Variants in ADD2 observed in about 807,000 individuals in gnomAD.
ADD2 encodes the protein adducin 2.
In ADD2, 23 loss-of-function variants were observed where a neutral mutation model predicts 83.0. That is an observed-to-expected ratio of 0.28 (90% CI 0.20 to 0.39). ADD2 has a LOEUF of 0.39. Among genes scored for constraint, ADD2 ranks in the 10% least tolerant of loss-of-function variants. The probability of loss-of-function intolerance (pLI) is 1.00; values close to 1 mark genes in which losing one functional copy is unlikely to be tolerated. For missense variants in ADD2, 758 were observed against 944.9 expected (o/e 0.80, Z 2.59); for synonymous variants, 375 against 375.4 (o/e 1.00, Z 0.01).
chr2:70,699,243 T>TAA (rs1400636099), intron 4 of ADD2, among the ~76,000 whole-genome samples: 1 of 150,562 alleles, frequency 6.6e-6, no homozygotes, highest in Non-Finnish European at 1.5e-5. Context: ...TTCTGAACTG[T>TAA]AAAAAAAAAG....
At chr2:70,712,460 T>TAAAA (rs782194928) in intron 2 of ADD2, among the ~76,000 whole-genome samples, 2 of 81,816 alleles carry the variant, frequency 2.4e-5, no homozygotes, top group Non-Finnish European at 3.0e-5. Flanking sequence ...AATAAATAAA[T>TAAAA]AAAAAAAAAA....
At chr2:70,711,431 C>A (rs1229365383) in intron 2 of ADD2, among the ~76,000 whole-genome samples, 2 of 152,192 alleles carry the variant, frequency 1.3e-5, no homozygotes, top group East Asian at 1.9e-4. Context: ...CTCCACCCCC[C>A]ACCAATCCCG....
chr2:70,748,953 C>T (rs1678572795), intron 1 of ADD2, among the ~76,000 whole-genome samples: 1 of 152,180 alleles, frequency 6.6e-6, no homozygotes, highest in South Asian at 2.1e-4. Context: ...ACTGAACTAA[C>T]TCAGTACAGA....
At chr2:70,673,315 C>T (rs1423540061) in intron 14 of ADD2, 3 of 1,614,116 alleles carry the variant, frequency 1.9e-6, no homozygotes, top group Non-Finnish European at 2.5e-6. Context: ...GGCTCTCGTT[C>T]CTGTCCTGTC....
chr2:70,767,848 C>G (rs1574342790), intron 1 of ADD2, 38 bp downstream of exon 1: 1 of 1,534,532 alleles, frequency 6.5e-7, no homozygotes, highest in East Asian at 2.5e-5. Flanking sequence ...GACCAGCGAC[C>G]CCAGGCAGCC....
chr2:70,706,088 A>G lies in ADD2; in HGVS notation c.183+138T>C. 1 of 857,774 alleles carries G rather than the reference A, an allele frequency of 1.2e-6. No individual in the cohort carries two copies. Among genetic ancestry groups the G allele is most frequent in the Non-Finnish European group, 1.7e-6 (1 of 572,862 alleles). The allele number at this position is 857,774 out of a possible 1,614,324, so 53.1% of individuals were successfully genotyped here. On this transcript the variant is annotated intron_variant, in intron 3 of 15. Coordinates refer to ENST00000264436, the MANE Select transcript of ADD2 (RefSeq NM_001617.4). This position sits in a 1 kb window ranked among gnomAD's most constrained non-coding sequence, Gnocchi z 5.0. ...GAGTGTCAAGGCCCCAGGTGACCAGATCCGTCTTGCTCAGTGGGCTTACAT... is the reference window on the plus strand; with the variant it reads ...GAGTGTCAAGGCCCCAGGTGACCAGGTCCGTCTTGCTCAGTGGGCTTACAT...
At chr2:70,715,806 C>T (rs1415387389) in intron 1 of ADD2, among the ~76,000 whole-genome samples, 5 of 151,798 alleles carry the variant, frequency 3.3e-5, no homozygotes, top group African/African-American at 1.2e-4. Context: ...CCATGGGATC[C>T]CACCTTGACT....
intron 1 of ADD2, among the ~76,000 whole-genome samples, chr2:70,740,843 G>T (rs921165280): frequency 6.6e-6 from 1 of 152,182 alleles, no homozygotes; most frequent in African/African-American, 2.4e-5. Flanking sequence ...GAGCGTACAG[G>T]CGTGTGCCAC....
At chr2:70,740,003 TG>T (rs1400116860) in intron 1 of ADD2, among the ~76,000 whole-genome samples, 1 of 152,154 alleles carries the variant, frequency 6.6e-6, no homozygotes, top group Non-Finnish European at 1.5e-5. Flanking sequence ...AACCTGCACA[TG>T]TACCCCTGAA....
chr2:70,716,885 CAG>C (rs761267799), intron 1 of ADD2, among the ~76,000 whole-genome samples: 12 of 152,296 alleles, frequency 7.9e-5, no homozygotes, highest in South Asian at 2.1e-4. Flanking sequence ...TAATTTGAGA[CAG>C]AACCCAGCAA....
At chr2:70,697,187 G>C (rs1237343960) in intron 4 of ADD2, among the ~76,000 whole-genome samples, 1 of 152,238 alleles carries the variant, frequency 6.6e-6, no homozygotes, top group Non-Finnish European at 1.5e-5. Context: ...CAGCCTGAAA[G>C]TAACTTCCTC....
At position 70,768,077 on chromosome 2, in the gene ADD2, C is replaced by G; in HGVS notation, c.-345G>C. 2 of 1,212,898 alleles carry G rather than the reference C, an allele frequency of 1.6e-6. No individual in the cohort carries two copies. The highest frequency in any genetic ancestry group is 3.1e-5 in the South Asian group (2 of 64,434). 75.1% of individuals were successfully genotyped at this position (1,212,898 alleles called of 1,614,324 possible). A position where few individuals can be genotyped will look rare whatever the true frequency, so the allele number is the denominator to read the frequency against. ...CCCCAGCAGTGCAGCGGCTCCGCGG[C>G]GGCGGGGATGACTGGCCACCGACGC... On this transcript the variant is annotated 5_prime_UTR_variant, in exon 1 of 16. Transcript: ENST00000264436.
chr2:70,673,296 C>G, intron 14 of ADD2: 1 of 1,614,160 alleles, frequency 6.2e-7, no homozygotes. Flanking sequence ...CACGGCCGGA[C>G]CAGAGCCTGG....
At chr2:70,712,402 C>A (rs1672228037) in intron 2 of ADD2, among the ~76,000 whole-genome samples, 1 of 149,840 alleles carries the variant, frequency 6.7e-6, no homozygotes, top group Non-Finnish European at 1.5e-5. Context: ...TGAGATCACA[C>A]CACTGCACTC....
chr2:70,691,723 G>C (rs976496986), intron 7 of ADD2: 17 of 152,106 alleles, frequency 1.1e-4, no homozygotes, highest in African/African-American at 3.9e-4. Flanking sequence ...TCACATCTTA[G>C]TCCAAATTCT....
At chr2:70,702,465 C>T (rs1168164701) in intron 4 of ADD2, among the ~76,000 whole-genome samples, 1 of 152,098 alleles carries the variant, frequency 6.6e-6, no homozygotes, top group Non-Finnish European at 1.5e-5. Flanking sequence ...TTGTGCCTGG[C>T]CTAAAGTTAT....
At chr2:70,764,871 A>G (rs1375440464) in intron 1 of ADD2, among the ~76,000 whole-genome samples, 1 of 152,052 alleles carries the variant, frequency 6.6e-6, no homozygotes, top group Non-Finnish European at 1.5e-5. Context: ...CAGATCTTTC[A>G]AAATACGTAT....
intron 1 of ADD2, among the ~76,000 whole-genome samples, chr2:70,736,125 G>A (rs782732095): frequency 6.6e-6 from 1 of 152,094 alleles, no homozygotes; most frequent in Admixed American, 6.6e-5. Flanking sequence ...TAACTGCCGG[G>A]GGTGGGGGGC....
chr2:70,715,197 G>C (rs1356064148), intron 1 of ADD2, among the ~76,000 whole-genome samples: 2 of 152,156 alleles, frequency 1.3e-5, no homozygotes, highest in Non-Finnish European at 1.5e-5. Context: ...GTTTTAATGA[G>C]AGAAGGGAAG....
Sources: allele counts gnomAD v4.1 joint callset (sites outside exome capture counted in the v4.1 genomes callset), GRCh38; gene constraint gnomAD v4.1.1; non-coding constraint Gnocchi (gnomAD v3.1); transcripts MANE v1.5; gene names NCBI Gene and HGNC (gene_info 2026-07-23, HGNC 2026-07-21).